Variants in PTCD1 observed in about 807,000 individuals in gnomAD.
PTCD1 encodes pentatricopeptide repeat domain 1.
Under a neutral mutation model 53.4 loss-of-function variants are expected in PTCD1, and 50 were observed. The observed-to-expected ratio is 0.94, with a 90% CI of 0.75 to 1.19. PTCD1 has a LOEUF of 1.19. Ranked by LOEUF, PTCD1 falls within the 50% of genes most tolerant of loss-of-function variation. PTCD1 has a pLI of 0.00. For missense variants in PTCD1, 918 were observed against 904.8 expected (o/e 1.01, Z -0.19); for synonymous variants, 413 against 394.8 (o/e 1.05, Z -0.55).
intron 7 of PTCD1, 141 bp downstream of exon 7, chr7:99,423,634 G>T: frequency 7.5e-7 from 1 of 1,326,698 alleles, no homozygotes; most frequent in Non-Finnish European, 1.1e-6. Context: ...CTACAGACTT[G>T]GGTACTGCTC....
Position 99,425,004 on chromosome 7 carries a change from G to T in PTCD1, c.1528C>A (p.Leu510Ile). 1 of 1,614,254 alleles carries T rather than the reference G, an allele frequency of 6.2e-7. No homozygotes were observed. The highest frequency in any genetic ancestry group is 1.3e-5 in the African/African-American group (1 of 75,072). The change falls in exon 6 of 8, where the codon CTC becomes ATC. Residue 510 changes from leucine (L) to isoleucine (I), a missense_variant. Coordinates refer to ENST00000292478, the MANE Select transcript of PTCD1 (RefSeq NM_015545.4). The part of the protein sequence containing the change: ...GSPAESLLLA[L>I]LDEHQVEADL... ...GCCTCTACCTGGTGCTCATCCAGGA[G>T]GGCCAGCAGCAAGGACTCTGCAGGA...
Position 99,438,674 on chromosome 7 carries a change from G to T in PTCD1, c.-27+18C>A. 1 of 1,254,150 alleles carries T rather than the reference G, an allele frequency of 8.0e-7. No homozygotes were observed. 77.7% of individuals were successfully genotyped at this position (1,254,150 alleles called of 1,614,324 possible). On this transcript the variant is annotated intron_variant, in intron 1 of 7. Transcript: ENST00000292478. ...GCCCGGGTCCCGGGGCTCCTGCGAG[G>T]ATCACACAGGAACTCACTTGAAGTG... is the stretch of plus-strand genomic sequence containing the variant.
At position 99,433,347 on chromosome 7, in the gene PTCD1, G is replaced by A. The variant is rs763498127; in HGVS notation, c.525C>T (p.Asn175=). 1.9e-6 allele frequency: 3 copies of A among 1,614,092 alleles called. No homozygotes were observed. ...CGCAGCCCCCAATCAGCACCGTGTA[G>A]TTGCTCTCCATGGGCTGCAATCGCT... The part of the protein sequence containing the change: ...KEERLQPMES[N]YTVLIGGCGR... Residue 175 remains asparagine, a synonymous_variant, in exon 3 of 8, where the codon AAC becomes AAT. Coordinates refer to ENST00000292478, the MANE Select transcript of PTCD1 (RefSeq NM_015545.4).
chr7:99,434,594 C>CA (rs149310419), intron 2 of PTCD1, among the ~76,000 whole-genome samples, 196 bp downstream of exon 2: 4,594 of 117,734 alleles, frequency 0.039, 89 homozygotes, highest in Middle Eastern at 0.098. Flanking sequence ...TCCGTCTCTA[C>CA]AAAAAAAAAA....
rs558728965 is a variant in PTCD1 at position 99,418,136 on chromosome 7, T to G, written c.*1831A>C. ...GCATGCACCACCACGCCTGGCTAATTTTGTATTTTTAGTAGAGACGGGGTT... is the reference window on the plus strand; with the variant it reads ...GCATGCACCACCACGCCTGGCTAATGTTGTATTTTTAGTAGAGACGGGGTT... On this transcript the variant is annotated 3_prime_UTR_variant, in exon 8 of 8. Transcript: ENST00000292478. 1.4e-5 allele frequency: 4 copies of G among 295,042 alleles called. No individual in the cohort carries two copies. Among genetic ancestry groups the G allele is most frequent in the Non-Finnish European group, 2.1e-5 (4 of 188,312 alleles). 18.3% of individuals were successfully genotyped at this position (295,042 alleles called of 1,614,324 possible).
intron 7 of PTCD1, among the ~76,000 whole-genome samples, chr7:99,423,264 G>A (rs1345736930): frequency 6.6e-6 from 1 of 152,160 alleles, no homozygotes; most frequent in Admixed American, 6.5e-5. Context: ...TGGGGACCCA[G>A]ATGAGCACAG....
chr7:99,419,685 A>G lies in PTCD1; in HGVS notation c.*282T>C. On this transcript the variant is annotated 3_prime_UTR_variant, in exon 8 of 8. Transcript: ENST00000292478. ...CGGGGCGGCCCAGGCCCCAGGGACC[A>G]GATGCCCCAGCCCCCTTGTGGTGTG... 1.4e-6 allele frequency: 1 copy of G among 690,026 alleles called. No homozygotes were observed. Among genetic ancestry groups the G allele is most frequent in the Non-Finnish European group, 2.4e-6 (1 of 418,844 alleles). 42.7% of individuals were successfully genotyped at this position (690,026 alleles called of 1,614,324 possible).
chr7:99,426,327 T>C (rs931136615), intron 5 of PTCD1, among the ~76,000 whole-genome samples: 5 of 152,176 alleles, frequency 3.3e-5, no homozygotes, highest in African/African-American at 4.8e-5. Flanking sequence ...GTACCTGCGA[T>C]TGCAGGCGCG....
chr7:99,428,100 A>AT (rs1432218974), intron 5 of PTCD1, among the ~76,000 whole-genome samples: 1 of 151,454 alleles, frequency 6.6e-6, no homozygotes, highest in Non-Finnish European at 1.5e-5. Flanking sequence ...AGAATGATCA[A>AT]TAAAAAAAAA....
At chr7:99,429,366 G>A (rs1349621553) in intron 4 of PTCD1, among the ~76,000 whole-genome samples, 162 bp from the exon 5 acceptor site, 1 of 152,078 alleles carries the variant, frequency 6.6e-6, no homozygotes, top group East Asian at 1.9e-4. Context: ...CCTGTCTCTA[G>A]GAAGCCTTCC....
At chr7:99,428,124 G>A (rs1205755392) in intron 5 of PTCD1, among the ~76,000 whole-genome samples, 4 of 151,792 alleles carry the variant, frequency 2.6e-5, no homozygotes, top group Admixed American at 6.6e-5. Flanking sequence ...AAAATTGGCC[G>A]GGCGCGGTGG....
At chr7:99,436,594 G>A (rs1332796272) in intron 1 of PTCD1, among the ~76,000 whole-genome samples, 2 of 152,084 alleles carry the variant, frequency 1.3e-5, no homozygotes, top group African/African-American at 4.8e-5. Flanking sequence ...CAGCCTGAGC[G>A]ACAGAGCAAG....
At chr7:99,432,731 G>A (rs184469207) in intron 3 of PTCD1, among the ~76,000 whole-genome samples, 3 of 152,308 alleles carry the variant, frequency 2.0e-5, no homozygotes, top group East Asian at 1.9e-4. Flanking sequence ...CCCACCTGAC[G>A]AGAAACGCCC....
rs748842490 is a variant in PTCD1 at position 99,423,851 on chromosome 7, T to A, written c.1844A>T (p.Gln615Leu). 1.9e-6 allele frequency: 3 copies of A among 1,614,104 alleles called. No homozygotes were observed. The highest frequency in any genetic ancestry group is 2.5e-6 in the Non-Finnish European group (3 of 1,180,034). ...CACTTCGTTCACCGGGACCCTGTTC[T>A]GCTTCATGTCCTTCAAGATGCTGAT... ...YLISILKDMK[Q>L]NRVPVNEVVI... is the part of the protein sequence containing the mutation. Residue 615 changes from glutamine to leucine, a missense_variant, in exon 7 of 8, where the codon CAG becomes CTG. By Grantham distance (113) the Gln-to-Leu change is moderately radical (BLOSUM62 -2). Transcript: ENST00000292478.
Position 99,429,605 on chromosome 7 carries a change from A to G in PTCD1, c.796T>C (p.Cys266Arg). Residue 266 changes from cysteine (C) to arginine (R), a missense_variant, in exon 4 of 8, where the codon TGC becomes CGC. Transcript: ENST00000292478. ...AGCCCCACCTTGAACACATCGAGGC[A>G]CATCCTAAGGTCTGCGCACTTGGCA... Reference protein sequence around the residue: ...MAAKCADLRMCLDVFKEIIHK... With the variant: ...MAAKCADLRMRLDVFKEIIHK... 6.2e-7 allele frequency: 1 copy of G among 1,614,222 alleles called. No individual in the cohort carries two copies.
chr7:99,425,767 C>A (rs1795989720), intron 5 of PTCD1, 151 bp from the exon 6 acceptor site: 1 of 1,113,680 alleles, frequency 9.0e-7, no homozygotes. Flanking sequence ...CATAGCAAGA[C>A]CCTGCCTCAA....
chr7:99,434,799 C>T lies in PTCD1; in HGVS notation c.444G>A (p.Lys148=), dbSNP rs1408851915. The change falls in exon 2 of 8, where the codon AAG becomes AAA. Residue 148 remains lysine, a synonymous_variant. Transcript: ENST00000292478. ...WYFLQCKHLI[K]EGKLVEALDL... ...CCAAAGTGCCCCTTACCTTCCCTTC[C>T]TTGATCAGGTGTTTGCACTGCAAGA... 2.5e-6 allele frequency: 4 copies of T among 1,614,122 alleles called. No individual in the cohort carries two copies. The South Asian group carries it at 4.4e-5, about 18-fold the overall frequency.
At chr7:99,433,178 G>T in intron 3 of PTCD1, 100 bp downstream of exon 3, 1 of 1,577,942 alleles carries the variant, frequency 6.3e-7, no homozygotes, top group Non-Finnish European at 8.7e-7. Flanking sequence ...CCAGGGAGGT[G>T]AAGTCACCTG....
chr7:99,434,222 G>T (rs1796369479), intron 2 of PTCD1, among the ~76,000 whole-genome samples: 1 of 151,442 alleles, frequency 6.6e-6, no homozygotes, highest in Admixed American at 6.6e-5. Flanking sequence ...AAGGCGGGCG[G>T]ATCACCTGAG....
Sources: allele counts gnomAD v4.1 joint callset (sites outside exome capture counted in the v4.1 genomes callset), GRCh38; gene constraint gnomAD v4.1.1; transcripts MANE v1.5; gene names NCBI Gene and HGNC (gene_info 2026-07-23, HGNC 2026-07-21).